CNTN4: variants seen among roughly 807,000 people sequenced by gnomAD.
The protein encoded by CNTN4 is contactin 4, also known as contactin-4.
In CNTN4, 77 loss-of-function variants were observed where a neutral mutation model predicts 122.5. The observed-to-expected ratio is 0.63, with a 90% CI of 0.52 to 0.76. The LOEUF is 0.76. Ranked by LOEUF, CNTN4 falls within the 30% of genes least tolerant of loss-of-function variation. The probability of loss-of-function intolerance (pLI) is 0.00; values close to 1 mark genes in which losing one functional copy is unlikely to be tolerated. For synonymous variants in CNTN4, 512 were observed against 447.0 expected, an observed-to-expected ratio of 1.15 and a Z score of -1.83; for missense variants, 1,256 against 1,259.1, an observed-to-expected ratio of 1.00 and a Z score of 0.04.
intron 3 of CNTN4, among the ~76,000 whole-genome samples, chr3:2,432,009 C>G (rs1279818757): frequency 6.6e-6 from 1 of 152,206 alleles, no homozygotes; most frequent in Admixed American, 6.5e-5. Context: ...CTGTAATGCC[C>G]TGCAAATCGC....
chr3:2,710,738 T>C (rs1439130384), intron 4 of CNTN4, among the ~76,000 whole-genome samples: 1 of 152,226 alleles, frequency 6.6e-6, no homozygotes, highest in Non-Finnish European at 1.5e-5. Context: ...ATGAATAATT[T>C]CATAAAGTTT....
At position 2,884,363 on chromosome 3, in the gene CNTN4, T is replaced by G. The variant is rs559312329; in HGVS notation, c.755+1116T>G. Among the ~76,000 whole-genome samples the G allele has an allele frequency of 5.3e-5, 8 of 152,336 alleles. No individual in the cohort carries two copies. The South Asian group carries it at 1.7e-3, about 32-fold the overall frequency. On this transcript the variant is annotated intron_variant, in intron 9 of 24. Coordinates refer to ENST00000418658, the MANE Select transcript of CNTN4 (RefSeq NM_175607.3). Reference sequence around the variant, plus strand: ...TGTCGGTTCTAATAGAAAGGTTGTTTTGGTTTCCATGTGTTTTCAAGTCGT... The same window carrying G: ...TGTCGGTTCTAATAGAAAGGTTGTTGTGGTTTCCATGTGTTTTCAAGTCGT...
chr3:2,754,177 A>C (rs1332432074), intron 6 of CNTN4, among the ~76,000 whole-genome samples: 1 of 152,148 alleles, frequency 6.6e-6, no homozygotes, highest in Admixed American at 6.5e-5. Context: ...CCAGAGAATA[A>C]TCTTAATATC....
Position 2,871,662 on chromosome 3 carries a change from A to C in CNTN4, c.652+4713A>C, listed in dbSNP as rs2093785815. 2.0e-5 allele frequency among the ~76,000 whole-genome samples: 3 copies of C among 152,176 alleles called. 1 individual carries two copies. On this transcript the variant is annotated intron_variant, in intron 8 of 24. Coordinates refer to ENST00000418658, the MANE Select transcript of CNTN4 (RefSeq NM_175607.3). ...GGGAACTGAAGATCAGAGAATTCGG[A>C]TAAGAAAAATGGCATCAGGACAGAT...
intron 4 of CNTN4, among the ~76,000 whole-genome samples, chr3:2,601,686 CG>C (rs1391566090): frequency 6.6e-6 from 1 of 152,106 alleles, no homozygotes; most frequent in Non-Finnish European, 1.5e-5. Context: ...CTTGGCAATG[CG>C]GGCTCTATTT....
chr3:2,713,013 T>C (rs1246919235), intron 4 of CNTN4, among the ~76,000 whole-genome samples: 1 of 152,200 alleles, frequency 6.6e-6, no homozygotes, highest in African/African-American at 2.4e-5. Context: ...CCAGCAAACA[T>C]TGCGTTCCCC....
intron 13 of CNTN4, among the ~76,000 whole-genome samples, chr3:2,930,842 G>A (rs1412023452): frequency 1.3e-5 from 2 of 152,160 alleles, no homozygotes; most frequent in Non-Finnish European, 2.9e-5. Context: ...TAGCCCTCAC[G>A]GTGCTCATAG....
intron 3 of CNTN4, among the ~76,000 whole-genome samples, chr3:2,434,992 G>A (rs902042951): frequency 6.6e-6 from 1 of 152,038 alleles, no homozygotes; most frequent in African/African-American, 2.4e-5. Context: ...CCACAAGAAG[G>A]GCTTTTTCAA....
At chr3:2,824,201 G>A (rs1332544057) in intron 7 of CNTN4, among the ~76,000 whole-genome samples, 1 of 150,986 alleles carries the variant, frequency 6.6e-6, no homozygotes, top group Non-Finnish European at 1.5e-5. Context: ...ACTCACACCT[G>A]TAATCCCAGC....
chr3:2,652,805 G>GTGGTCGCTTATCAGTT (rs1335281069), intron 4 of CNTN4, among the ~76,000 whole-genome samples: 5 of 152,110 alleles, frequency 3.3e-5, no homozygotes. Context: ...GCTTATCAGT[G>GTGGTCGCTTATCAGTT]TGGTCACTTA....
At chr3:2,438,650 A>C (rs966939653) in intron 3 of CNTN4, among the ~76,000 whole-genome samples, 1 of 152,352 alleles carries the variant, frequency 6.6e-6, no homozygotes. Context: ...AAGATAAGAA[A>C]TAACAGGCAG....
At chr3:2,647,346 A>C (rs1305348783) in intron 4 of CNTN4, among the ~76,000 whole-genome samples, 2 of 151,944 alleles carry the variant, frequency 1.3e-5, no homozygotes, top group African/African-American at 4.8e-5. Context: ...ACACCATTGC[A>C]CTCCAGCCTG....
chr3:2,118,760 C>G (rs1157254236), intron 2 of CNTN4, among the ~76,000 whole-genome samples: 1 of 152,122 alleles, frequency 6.6e-6, no homozygotes, highest in Non-Finnish European at 1.5e-5. Context: ...GGCAATAAAA[C>G]TCAGTGAAGG....
At chr3:2,888,777 A>G (rs2094005935) in intron 10 of CNTN4, among the ~76,000 whole-genome samples, 1 of 152,170 alleles carries the variant, frequency 6.6e-6, no homozygotes, top group Non-Finnish European at 1.5e-5. Context: ...AGAACCCATG[A>G]AACTCAGTTG....
At chr3:2,578,817 G>C (rs936836636) in intron 4 of CNTN4, among the ~76,000 whole-genome samples, 1 of 152,064 alleles carries the variant, frequency 6.6e-6, no homozygotes. Context: ...GTGGTAGAAA[G>C]ACTTAGTCAA....
At chr3:2,613,453 A>G (rs2081583372) in intron 4 of CNTN4, among the ~76,000 whole-genome samples, 1 of 152,174 alleles carries the variant, frequency 6.6e-6, no homozygotes, top group African/African-American at 2.4e-5. Flanking sequence ...GAAAAAAAAG[A>G]AAAGAGATTA....
At chr3:2,646,406 T>C (rs2083120906) in intron 4 of CNTN4, among the ~76,000 whole-genome samples, 1 of 152,220 alleles carries the variant, frequency 6.6e-6, no homozygotes, top group South Asian at 2.1e-4. Context: ...CTCTATGCCT[T>C]AGTTTCTTCG....
At chr3:2,982,781 C>T (rs1385959665) in intron 13 of CNTN4, among the ~76,000 whole-genome samples, 1 of 152,116 alleles carries the variant, frequency 6.6e-6, no homozygotes, top group Non-Finnish European at 1.5e-5. Flanking sequence ...CAGTAATGCT[C>T]ATTTTACTGT....
At chr3:2,837,221 C>G (rs1394196533) in intron 7 of CNTN4, among the ~76,000 whole-genome samples, 1 of 152,178 alleles carries the variant, frequency 6.6e-6, no homozygotes, top group African/African-American at 2.4e-5. Flanking sequence ...TTTGTACTAG[C>G]CTTTCGGGGA....
Sources: allele counts gnomAD v4.1 joint callset (sites outside exome capture counted in the v4.1 genomes callset), GRCh38; gene constraint gnomAD v4.1.1; transcripts MANE v1.5; gene names NCBI Gene and HGNC (gene_info 2026-07-23, HGNC 2026-07-21).